Variants in NAA35 observed in about 807,000 individuals in gnomAD.
The protein encoded by NAA35 is MAK10 homolog, amino-acid N-acetyltransferase subunit.
In NAA35, 18 loss-of-function variants were observed where a neutral mutation model predicts 101.7. The observed-to-expected ratio is 0.18, with a 90% CI of 0.12 to 0.26. NAA35 has a LOEUF of 0.26. NAA35 is among the 10% of genes least tolerant of loss of function. NAA35 has a pLI of 1.00. For synonymous variants in NAA35, 267 were observed against 273.1 expected, an observed-to-expected ratio of 0.98 and a Z score of 0.22; for missense variants, 601 against 886.8, an observed-to-expected ratio of 0.68 and a Z score of 4.09.
chr9:86,018,863 A>T (rs1832373201), intron 21 of NAA35, 42 bp downstream of exon 21: 13 of 1,603,902 alleles, frequency 8.1e-6, no homozygotes, highest in Non-Finnish European at 1.1e-5. Flanking sequence ...AAAGCGTGGC[A>T]GGAAATACAT....
chr9:85,977,036 C>T (rs539405207), intron 9 of NAA35, among the ~76,000 whole-genome samples: 1 of 152,242 alleles, frequency 6.6e-6, no homozygotes, highest in East Asian at 1.9e-4. Flanking sequence ...TGTCGAGATT[C>T]TAAATTTTCT....
At chr9:85,943,143 A>G (rs1828596690) in intron 2 of NAA35, among the ~76,000 whole-genome samples, 1 of 152,180 alleles carries the variant, frequency 6.6e-6, no homozygotes, top group Non-Finnish European at 1.5e-5. Flanking sequence ...GGAGTAAATG[A>G]TTGGAGAAAT....
intron 12 of NAA35, among the ~76,000 whole-genome samples, chr9:86,001,087 C>T (rs1214965120): frequency 6.6e-6 from 1 of 152,070 alleles, no homozygotes; most frequent in Non-Finnish European, 1.5e-5. Flanking sequence ...TATGTTGTAT[C>T]TTTGTTCTCA....
At chr9:85,995,951 G>T (rs1327605623) in intron 11 of NAA35, among the ~76,000 whole-genome samples, 2 of 152,256 alleles carry the variant, frequency 1.3e-5, no homozygotes, top group East Asian at 1.9e-4. Context: ...TGCTATTCAG[G>T]ATTATTATAT....
At chr9:86,006,043 C>T (rs565264601) in intron 13 of NAA35, among the ~76,000 whole-genome samples, 71 of 151,956 alleles carry the variant, frequency 4.7e-4, no homozygotes, top group African/African-American at 1.4e-3. Flanking sequence ...TGGTGGCAGG[C>T]GCCTGTAATC....
chr9:85,970,809 G>A (rs1260600306), intron 6 of NAA35, among the ~76,000 whole-genome samples: 1 of 152,176 alleles, frequency 6.6e-6, no homozygotes, highest in Non-Finnish European at 1.5e-5. Context: ...TTTGGTAATT[G>A]TACTGTGATT....
intron 6 of NAA35, among the ~76,000 whole-genome samples, chr9:85,964,008 A>G (rs972532056): frequency 3.3e-5 from 5 of 152,174 alleles, no homozygotes; most frequent in African/African-American, 9.7e-5. Flanking sequence ...GTTTTTAGCC[A>G]TTGTTGGCAA....
chr9:86,007,438 T>G lies in NAA35; in HGVS notation c.1197T>G (p.Phe399Leu). 2 of 1,613,690 alleles carry G rather than the reference T, an allele frequency of 1.2e-6. No homozygotes were observed. The highest frequency in any genetic ancestry group is 1.7e-6 in the Non-Finnish European group (2 of 1,179,646). Residue 399 changes from phenylalanine (F) to leucine (L), a missense_variant, in exon 14 of 23, where the codon TTT (phenylalanine) becomes TTG (leucine). Phe to Leu is a conservative substitution (Grantham distance 22). This residue lies in a region of NAA35 where 190 missense variants were observed against 223.1 expected (regional missense o/e 0.85). Coordinates refer to ENST00000361671, the MANE Select transcript of NAA35 (RefSeq NM_024635.4). Reference sequence around the variant, plus strand: ...TGGTGAAAGATGCACTTCGGTCTTTTGTCAGTCCTCCGGTGCTTTCCCCCA... The same window carrying G: ...TGGTGAAAGATGCACTTCGGTCTTTGGTCAGTCCTCCGGTGCTTTCCCCCA... ...QDMVKDALRS[F>L]VSPPVLSPKC...
intron 14 of NAA35, among the ~76,000 whole-genome samples, chr9:86,009,589 A>T (rs2118394079): frequency 6.6e-6 from 1 of 152,300 alleles, no homozygotes; most frequent in Admixed American, 6.5e-5. Context: ...AGAGCTTTAG[A>T]CTTTTCCTTT....
At chr9:85,986,775 G>T in intron 11 of NAA35, 1 of 268,564 alleles carries the variant, frequency 3.7e-6, no homozygotes, top group Non-Finnish European at 7.2e-6. Flanking sequence ...TTTTTTAGTG[G>T]AGACGGAGTT....
rs1831618105 is a variant in NAA35 at position 86,005,896 on chromosome 9, G to A, written c.1117-1462G>A. Among the ~76,000 whole-genome samples, 5 of 151,984 alleles carry A rather than the reference G, an allele frequency of 3.3e-5. No individual in the cohort carries two copies. The South Asian group carries it at 1.0e-3, about 32-fold the overall frequency. On this transcript the variant is annotated intron_variant, in intron 13 of 22. Transcript: ENST00000361671. ...CTTTAAAAAAAAAAAAATCTGGCCA[G>A]GCATGGTGGCTCACGCCTGTAATCC...
chr9:85,954,342 C>A (rs1246012824), intron 2 of NAA35, among the ~76,000 whole-genome samples: 1 of 152,226 alleles, frequency 6.6e-6, no homozygotes, highest in African/African-American at 2.4e-5. Flanking sequence ...CTTGGCCTCC[C>A]ACAATGCTGG....
intron 14 of NAA35, among the ~76,000 whole-genome samples, chr9:86,009,074 G>A (rs1831779510): frequency 6.6e-6 from 1 of 152,098 alleles, no homozygotes; most frequent in Admixed American, 6.5e-5. Context: ...TTGTGAGAAA[G>A]TTCTTCCTCT....
chr9:85,951,116 C>G (rs1044079445), intron 2 of NAA35, among the ~76,000 whole-genome samples: 1 of 147,294 alleles, frequency 6.8e-6, no homozygotes, highest in African/African-American at 2.5e-5. Flanking sequence ...CCAGCCGGGG[C>G]GACAGAGTGA....
chr9:85,998,634 G>GT (rs910381528), intron 12 of NAA35, among the ~76,000 whole-genome samples: 5 of 151,590 alleles, frequency 3.3e-5, no homozygotes, highest in African/African-American at 7.3e-5. Context: ...GCTTTTTTTT[G>GT]TTTTTTGTTT....
intron 2 of NAA35, among the ~76,000 whole-genome samples, chr9:85,947,067 A>G (rs1035245081): frequency 6.6e-6 from 1 of 152,142 alleles, no homozygotes; most frequent in African/African-American, 2.4e-5. Flanking sequence ...ACTGGAGAAT[A>G]TTTGGATCTG....
intron 18 of NAA35, 92 bp downstream of exon 18, chr9:86,016,767 A>G (rs1832247966): frequency 1.2e-5 from 16 of 1,317,080 alleles, no homozygotes; most frequent in Non-Finnish European, 1.6e-5. Context: ...TGGTCATTAT[A>G]TTTTAGTTCT....
intron 2 of NAA35, among the ~76,000 whole-genome samples, chr9:85,951,116 C>T (rs1044079445): frequency 5.4e-5 from 8 of 147,294 alleles, no homozygotes; most frequent in Admixed American, 1.4e-4. Context: ...CCAGCCGGGG[C>T]GACAGAGTGA....
In NAA35 at chr9:86,015,134, G is replaced by C. The variant is rs148673479; in HGVS notation, c.1568+1237G>C. On this transcript the variant is annotated intron_variant, in intron 17 of 22. Transcript: ENST00000361671. The stretch of plus-strand genomic sequence containing the variant: ...GCTTGAAGCAGCTAATGGGACCTTT[G>C]TTCTTGATTTCTCAGATCAAAATAT... Among the ~76,000 whole-genome samples, 520 of 152,182 alleles carry C rather than the reference G, an allele frequency of 3.4e-3. 6 individuals are homozygous for C. The highest frequency in any genetic ancestry group is 0.012 in the African/African-American group (493 of 41,502).
Sources: allele counts gnomAD v4.1 joint callset (sites outside exome capture counted in the v4.1 genomes callset), GRCh38; gene constraint gnomAD v4.1.1; regional missense constraint gnomAD v4.1.1; transcripts MANE v1.5; gene names NCBI Gene and HGNC (gene_info 2026-07-23, HGNC 2026-07-21).